The following RGS9 variants were observed in gnomAD, a reference collection of about 807,000 sequenced individuals.
The protein encoded by RGS9 is regulator of G-protein signalling 9.
Under a neutral mutation model 102.0 loss-of-function variants are expected in RGS9, and 78 were observed. That is an observed-to-expected ratio of 0.76 (90% CI 0.64 to 0.92). The LOEUF is 0.92. Among genes scored for constraint, RGS9 ranks in the 40% least tolerant of loss-of-function variants. The probability of loss-of-function intolerance (pLI) is 0.00; values close to 1 mark genes in which losing one functional copy is unlikely to be tolerated. For missense variants in RGS9, 833 were observed against 866.1 expected (o/e 0.96, Z 0.48); for synonymous variants, 353 against 318.6 (o/e 1.11, Z -1.15).
intron 2 of RGS9, among the ~76,000 whole-genome samples, chr17:65,157,359 T>C (rs1910805989): frequency 6.6e-6 from 1 of 151,790 alleles, no homozygotes; most frequent in African/African-American, 2.4e-5. Flanking sequence ...TACCTTCTGC[T>C]TGTGAGGTGA....
chr17:65,176,449 T>G (rs934384232), intron 8 of RGS9, among the ~76,000 whole-genome samples: 1 of 152,098 alleles, frequency 6.6e-6, no homozygotes, highest in Non-Finnish European at 1.5e-5. Context: ...ACAAGGAGTG[T>G]TTTCCAAGAT....
In RGS9 at chr17:65,210,566, C is replaced by T; in HGVS notation, c.1368C>T (p.Ala456=). 6.2e-7 allele frequency: 1 copy of T among 1,614,082 alleles called. No individual in the cohort carries two copies. Among genetic ancestry groups the T allele is most frequent in the East Asian group, 2.2e-5 (1 of 44,882 alleles). The change falls in exon 17 of 19, where the codon GCC becomes GCT. Residue 456 remains alanine (A), a synonymous_variant. Coordinates refer to ENST00000262406, the MANE Select transcript of RGS9 (RefSeq NM_003835.4). ...PVILRQLEEE[A]KAREAANTVD... ...TCCTGAGACAGCTGGAAGAGGAAGC[C>T]AAGGCCCGAGAAGCAGCCAACACTG...
intron 8 of RGS9, among the ~76,000 whole-genome samples, chr17:65,169,340 C>T (rs530943440): frequency 7.2e-5 from 11 of 152,196 alleles, no homozygotes; most frequent in Admixed American, 4.6e-4. Context: ...TTCAGGGTTT[C>T]TCCTCTAGGG....
At position 65,160,167 on chromosome 17, in the gene RGS9, G is replaced by A. The variant is rs146305095; in HGVS notation, c.206-66G>A. On this transcript the variant is annotated intron_variant, in intron 3 of 18. Coordinates refer to ENST00000262406, the MANE Select transcript of RGS9 (RefSeq NM_003835.4). ...CTGTCCTGGAGTTTGGGGTGCCGTG[G>A]GGGCCGGCAATGAGCTCCTGTCTCA... The A allele has an allele frequency of 4.7e-4, 587 of 1,257,768 alleles. 2 individuals are homozygous for A. The African/African-American group carries it at 6.5e-3, about 14-fold the overall frequency. The allele number at this position is 1,257,768 out of a possible 1,614,324, so 77.9% of individuals were successfully genotyped here. A position where few individuals can be genotyped will look rare whatever the true frequency, so the allele number is the denominator to read the frequency against.
At chr17:65,180,183 A>C (rs2144041753) in intron 9 of RGS9, 1 of 152,252 alleles carries the variant, frequency 6.6e-6, no homozygotes, top group South Asian at 2.1e-4. Flanking sequence ...TCCCGGGTTA[A>C]TCTGCCCTGA....
intron 7 of RGS9, among the ~76,000 whole-genome samples, chr17:65,166,081 T>A (rs1396307922): frequency 6.6e-6 from 1 of 152,182 alleles, no homozygotes; most frequent in South Asian, 2.1e-4. Context: ...TTGAGCTACC[T>A]CACAGCATGG....
At chr17:65,201,070 TTTCC>T (rs1912815042) in intron 13 of RGS9, among the ~76,000 whole-genome samples, 4 of 151,796 alleles carry the variant, frequency 2.6e-5, no homozygotes, top group Non-Finnish European at 5.9e-5. Flanking sequence ...TTGTTGTTCA[TTTCC>T]CCACACTGTG....
At chr17:65,142,367 C>T (rs892558097) in intron 1 of RGS9, among the ~76,000 whole-genome samples, 1 of 152,094 alleles carries the variant, frequency 6.6e-6, no homozygotes, top group African/African-American at 2.4e-5. Context: ...AGCTGTTTGA[C>T]GTTTTAAAAT....
intron 1 of RGS9, among the ~76,000 whole-genome samples, chr17:65,153,023 C>T (rs1462575915): frequency 6.6e-6 from 1 of 152,242 alleles, no homozygotes; most frequent in Non-Finnish European, 1.5e-5. Flanking sequence ...TGTGGTCTGG[C>T]CTCCACTGGC....
At chr17:65,168,128 A>G (rs1479690698) in intron 7 of RGS9, 72 bp from the exon 8 acceptor site, 3 of 992,594 alleles carry the variant, frequency 3.0e-6, no homozygotes, top group Non-Finnish European at 4.7e-6. Flanking sequence ...CTAGGTCATC[A>G]GGAATGAGGG....
chr17:65,204,747 A>G (rs916474180), intron 15 of RGS9, among the ~76,000 whole-genome samples: 10 of 152,182 alleles, frequency 6.6e-5, no homozygotes, highest in African/African-American at 2.2e-4. Flanking sequence ...ACAACATTAT[A>G]ATAACAGCCA....
At chr17:65,177,892 C>A in intron 9 of RGS9, 89 bp downstream of exon 9, 2 of 982,968 alleles carry the variant, frequency 2.0e-6, no homozygotes, top group Non-Finnish European at 3.3e-6. Context: ...TCTGTTAGGG[C>A]AACGATATCT....
intron 15 of RGS9, among the ~76,000 whole-genome samples, chr17:65,204,533 AG>A (rs1305739488): frequency 6.6e-6 from 1 of 152,174 alleles, no homozygotes; most frequent in East Asian, 1.9e-4. Flanking sequence ...CAACACAGTG[AG>A]ACCCTGTCTT....
chr17:65,193,364 T>A (rs1461833022), intron 11 of RGS9, among the ~76,000 whole-genome samples, 179 bp from the exon 12 acceptor site: 2 of 152,114 alleles, frequency 1.3e-5, no homozygotes, highest in Non-Finnish European at 2.9e-5. Flanking sequence ...GGACTGATTT[T>A]GTCAAATACC....
chr17:65,192,422 C>T (rs113989172), intron 11 of RGS9, among the ~76,000 whole-genome samples: 7,282 of 152,096 alleles, frequency 0.048, 212 homozygotes, highest in African/African-American at 0.07. Flanking sequence ...GAAGACCAGC[C>T]TGGGCAACAT....
chr17:65,216,172 T>C (rs1567893713), intron 17 of RGS9, among the ~76,000 whole-genome samples: 1 of 152,164 alleles, frequency 6.6e-6, no homozygotes, highest in Non-Finnish European at 1.5e-5. Flanking sequence ...TACTATATGA[T>C]GGAATGTCTA....
intron 9 of RGS9, among the ~76,000 whole-genome samples, chr17:65,182,664 G>A (rs1323799437): frequency 6.6e-6 from 1 of 152,160 alleles, no homozygotes; most frequent in Non-Finnish European, 1.5e-5. Context: ...AGACATAGCC[G>A]TTTGCCCAAG....
rs1287071915 is a variant in RGS9, at chr17:65,210,710, A to C, written c.1407+105A>C. The C allele has an allele frequency of 3.8e-6, 6 of 1,562,676 alleles. No individual in the cohort carries two copies. In the South Asian group the frequency reaches 6.9e-5, roughly 18 times the overall value. On this transcript the variant is annotated intron_variant, in intron 17 of 18. Coordinates refer to ENST00000262406, the MANE Select transcript of RGS9 (RefSeq NM_003835.4). ...GTCATGCACTTGGGAGAGGCAAATGAAGAAGGGTAGGGTCAGAGTCTAGAA... is the reference window on the plus strand; with the variant it reads ...GTCATGCACTTGGGAGAGGCAAATGCAGAAGGGTAGGGTCAGAGTCTAGAA...
intron 1 of RGS9, among the ~76,000 whole-genome samples, chr17:65,143,321 G>A (rs144006375): frequency 8.1e-4 from 123 of 152,248 alleles, no homozygotes; most frequent in Middle Eastern, 3.4e-3. Context: ...GGAGCACCCC[G>A]GAGGCTGGAG....
Sources: gnomAD v4.1 joint callset for allele counts (sites outside exome capture counted in the v4.1 genomes callset) on GRCh38, gnomAD v4.1.1 for gene constraint, MANE v1.5 for transcripts, NCBI Gene and HGNC (gene_info 2026-07-23, HGNC 2026-07-21) for gene names.